The following SRGAP3 variants were observed in gnomAD, a reference collection of about 807,000 sequenced individuals.
SRGAP3 encodes the protein SLIT-ROBO Rho GTPase-activating protein 3.
SRGAP3 carries 39 observed loss-of-function variants against 121.1 expected under a neutral mutation model. The ratio of observed to expected loss-of-function variants is 0.32; its 90% CI spans 0.25 to 0.42. The LOEUF (loss-of-function observed/expected upper bound fraction) is 0.42. Ranked by LOEUF, SRGAP3 falls within the 10% of genes least tolerant of loss-of-function variation. SRGAP3 has a pLI of 1.00. For missense variants in SRGAP3, 1,213 were observed against 1,470.6 expected, an observed-to-expected ratio of 0.82 and a Z score of 2.86; for synonymous variants, 601 against 570.0, an observed-to-expected ratio of 1.05 and a Z score of -0.77.
chr3:9,205,386 C>A (rs181538319), intron 1 of SRGAP3, among the ~76,000 whole-genome samples: 46 of 152,338 alleles, frequency 3.0e-4, no homozygotes, highest in Admixed American at 2.3e-3. Context: ...ACGTCTCACA[C>A]GGGACTAACC....
chr3:9,291,343 T>A (rs1197551958), intron 3 of SRGAP3, among the ~76,000 whole-genome samples: 1 of 152,144 alleles, frequency 6.6e-6, no homozygotes, highest in East Asian at 1.9e-4. Flanking sequence ...GCCCTGTATT[T>A]AAGGAGATAA....
At chr3:9,317,580 T>A (rs1359237949) in intron 3 of SRGAP3, among the ~76,000 whole-genome samples, 1 of 152,212 alleles carries the variant, frequency 6.6e-6, no homozygotes, top group Non-Finnish European at 1.5e-5. Context: ...GCTGGTCAAG[T>A]GTCAATCAGT....
intron 3 of SRGAP3, among the ~76,000 whole-genome samples, chr3:9,301,720 G>A (rs993196475): frequency 3.3e-5 from 5 of 152,350 alleles, no homozygotes; most frequent in African/African-American, 7.2e-5. Context: ...TTTGGCACCA[G>A]ACAGGAATGA....
chr3:8,983,837 C>T lies in SRGAP3; in HGVS notation c.*1682G>A. On this transcript the variant is annotated 3_prime_UTR_variant, in exon 22 of 22. Transcript: ENST00000383836. ...GAGTGACAAACCCTAAGTCAGAAGGCTCCTAAGTGCTCAGGGCTGGGACTC... is the reference window on the plus strand; with the variant it reads ...GAGTGACAAACCCTAAGTCAGAAGGTTCCTAAGTGCTCAGGGCTGGGACTC... The T allele has an allele frequency of 4.3e-6, 1 of 230,180 alleles. No homozygotes were observed. The highest frequency in any genetic ancestry group is 8.6e-6 in the Non-Finnish European group (1 of 116,166). The allele number at this position is 230,180 out of a possible 1,614,324, so 14.3% of individuals were successfully genotyped here.
At chr3:9,354,189 G>A (rs753484775) in intron 1 of SRGAP3, among the ~76,000 whole-genome samples, 1 of 152,164 alleles carries the variant, frequency 6.6e-6, no homozygotes, top group African/African-American at 2.4e-5. Context: ...AACAAAGTCC[G>A]CAGATAATAG....
intron 14 of SRGAP3, among the ~76,000 whole-genome samples, chr3:9,018,580 A>G (rs1943756568): frequency 6.6e-6 from 1 of 152,104 alleles, no homozygotes; most frequent in Non-Finnish European, 1.5e-5. Context: ...TGTGGTTTTG[A>G]TTTGCATGAA....
chr3:9,225,512 T>C (rs550434860), intron 1 of SRGAP3, among the ~76,000 whole-genome samples: 1 of 152,298 alleles, frequency 6.6e-6, no homozygotes, highest in African/African-American at 2.4e-5. Context: ...GGGTGTTTAC[T>C]GAGATGAAAG....
At chr3:9,237,079 T>G (rs1210873014) in intron 1 of SRGAP3, among the ~76,000 whole-genome samples, 1 of 152,214 alleles carries the variant, frequency 6.6e-6, no homozygotes, top group African/African-American at 2.4e-5. Context: ...ATTTTTCATC[T>G]TCCTGCATTA....
intron 3 of SRGAP3, among the ~76,000 whole-genome samples, chr3:9,095,127 A>C (rs1272498979): frequency 6.6e-6 from 1 of 151,694 alleles, no homozygotes; most frequent in Non-Finnish European, 1.5e-5. Context: ...ACCTGTTTCT[A>C]CTGGGTTGTT....
Position 9,280,042 on chromosome 3 carries a change from T to A in SRGAP3, n.442+45968A>T, listed in dbSNP as rs538153453. On this transcript the variant is annotated intron_variant and non_coding_transcript_variant, in intron 3 of 3. Transcript: ENST00000490889. ...GGTTGAGTGGACAGCTTGTCCCCCT[T>A]AAAGGGCCAGCCCAGCAGGCAAAGG... is the stretch of plus-strand genomic sequence containing the variant. 2.6e-5 allele frequency among the ~76,000 whole-genome samples: 4 copies of A among 152,226 alleles called. No homozygotes were observed. The East Asian group carries it at 7.8e-4, about 30-fold the overall frequency.
At chr3:9,033,455 G>A (rs1452715524) in intron 11 of SRGAP3, 1 of 144,198 alleles carries the variant, frequency 6.9e-6, no homozygotes, top group Non-Finnish European at 1.5e-5. Context: ...ACGGAGTCTT[G>A]CCCTGTCGCC....
intron 1 of SRGAP3, among the ~76,000 whole-genome samples, chr3:9,213,270 G>C (rs1952506870): frequency 6.6e-6 from 1 of 151,762 alleles, no homozygotes; most frequent in South Asian, 2.1e-4. Context: ...CCCTTCTCTA[G>C]TCAATAAATG....
chr3:9,031,629 C>T (rs1944487127), intron 12 of SRGAP3, among the ~76,000 whole-genome samples: 1 of 152,174 alleles, frequency 6.6e-6, no homozygotes, highest in African/African-American at 2.4e-5. Flanking sequence ...CTGCCTAAGG[C>T]CAAACTCATA....
intron 4 of SRGAP3, among the ~76,000 whole-genome samples, chr3:9,076,367 TAA>T (rs546772381): frequency 2.0e-5 from 3 of 152,248 alleles, no homozygotes; most frequent in African/African-American, 7.2e-5. Context: ...ATAATATATA[TAA>T]AATACCTAAT....
At chr3:9,185,474 G>A (rs1951567105) in intron 1 of SRGAP3, among the ~76,000 whole-genome samples, 1 of 152,112 alleles carries the variant, frequency 6.6e-6, no homozygotes, top group Non-Finnish European at 1.5e-5. Context: ...CCCTTTGTTG[G>A]GGTGGGGGGG....
chr3:9,182,262 A>C (rs1951437557), intron 1 of SRGAP3, among the ~76,000 whole-genome samples: 1 of 151,938 alleles, frequency 6.6e-6, no homozygotes, highest in Non-Finnish European at 1.5e-5. Flanking sequence ...AAAAATGAAA[A>C]GGCTCTTATA....
intron 1 of SRGAP3, among the ~76,000 whole-genome samples, chr3:9,229,728 C>A (rs1424778859): frequency 3.9e-5 from 6 of 152,182 alleles, no homozygotes; most frequent in Admixed American, 1.3e-4. Context: ...AGGATAAATT[C>A]TTCTCAGGGC....
At chr3:9,292,426 C>A (rs1954885170) in intron 3 of SRGAP3, among the ~76,000 whole-genome samples, 1 of 152,156 alleles carries the variant, frequency 6.6e-6, no homozygotes, top group African/African-American at 2.4e-5. Context: ...GCCTTCTCTG[C>A]CTTCTCTATC....
chr3:9,323,961 T>G (rs1955476146), intron 3 of SRGAP3, among the ~76,000 whole-genome samples: 2 of 151,774 alleles, frequency 1.3e-5, no homozygotes, highest in Non-Finnish European at 1.5e-5. Context: ...TCACAACAGA[T>G]TCACAAAGAC....
Sources: allele counts gnomAD v4.1 joint callset (sites outside exome capture counted in the v4.1 genomes callset), GRCh38; gene constraint gnomAD v4.1.1; transcripts MANE v1.5; gene names NCBI Gene and HGNC (gene_info 2026-07-23, HGNC 2026-07-21).